The following KIF18B variants were observed in gnomAD, a reference collection of about 807,000 sequenced individuals.
KIF18B encodes the protein kinesin family member 18B, also known as kinesin-like protein KIF18B.
A neutral mutation model predicts 80.9 loss-of-function variants in KIF18B; 49 were observed. The ratio of observed to expected loss-of-function variants is 0.61; its 90% CI spans 0.48 to 0.77. The LOEUF (loss-of-function observed/expected upper bound fraction) is 0.77. Among genes scored for constraint, KIF18B ranks in the 30% least tolerant of loss-of-function variants. KIF18B has a pLI of 0.00. For missense variants in KIF18B, 994 were observed against 1,127.7 expected (o/e 0.88, Z 1.70); for synonymous variants, 439 against 463.9 (o/e 0.95, Z 0.69).
intron 2 of KIF18B, 92 bp from the exon 3 acceptor site, chr17:44,935,508 T>C (rs2052269506): frequency 1.3e-5 from 18 of 1,337,160 alleles, no homozygotes; most frequent in Non-Finnish European, 1.8e-5. Flanking sequence ...CTTTTCCTCC[T>C]GTGTTCCCTG....
At chr17:44,942,648 C>G (rs1162991454) in intron 1 of KIF18B, among the ~76,000 whole-genome samples, 2 of 152,218 alleles carry the variant, frequency 1.3e-5, no homozygotes, top group Non-Finnish European at 2.9e-5. Flanking sequence ...CTGACATAGT[C>G]TGTGTACCCC....
At chr17:44,946,206 C>T (rs181903937) in intron 1 of KIF18B, among the ~76,000 whole-genome samples, 1 of 152,208 alleles carries the variant, frequency 6.6e-6, no homozygotes, top group Admixed American at 6.5e-5. Flanking sequence ...AAATATGCTA[C>T]ATGGATACTT....
intron 9 of KIF18B, 42 bp from the exon 10 acceptor site, chr17:44,932,248 C>T (rs563064595): frequency 2.8e-5 from 44 of 1,545,050 alleles, no homozygotes; most frequent in East Asian, 2.5e-4. Flanking sequence ...GAAGGCTAAG[C>T]GGGAAAGGAG....
At chr17:44,929,991 G>C (rs1342136011) in intron 11 of KIF18B, among the ~76,000 whole-genome samples, 2 of 152,170 alleles carry the variant, frequency 1.3e-5, no homozygotes, top group African/African-American at 4.8e-5. Flanking sequence ...ATTATCCATG[G>C]AAAATGGTTT....
chr17:44,935,903 G>T, intron 2 of KIF18B, 129 bp downstream of exon 2: 1 of 785,934 alleles, frequency 1.3e-6, no homozygotes, highest in Non-Finnish European at 2.1e-6. Flanking sequence ...ATGGGACATT[G>T]TACAAAACTC....
chr17:44,934,097 G>A lies in KIF18B; in HGVS notation c.888C>T (p.Gly296=). The A allele has an allele frequency of 2.5e-6, 4 of 1,612,210 alleles. No homozygotes were observed. Among genetic ancestry groups the A allele is most frequent in the Non-Finnish European group, 3.4e-6 (4 of 1,179,314 alleles). ...CCCGGTAGGGCACATGGGTCTTGCG[G>A]CCCTGGGGGGCAGTAAGCAGGTGTG... ...NVLNALADAK[G]RKTHVPYRDS... The change falls in exon 7 of 16, where the codon GGC becomes GGT. Residue 296 remains glycine, a splice_region_variant and synonymous_variant. Coordinates refer to ENST00000593135, the MANE Select transcript of KIF18B (RefSeq NM_001265577.2). The surrounding 1 kb of genome is among the most constrained non-coding windows in gnomAD (Gnocchi z 5.4).
Position 44,924,847 on chromosome 17 carries a change from C to T in KIF18B, c.*1233G>A, listed in dbSNP as rs1439994597. 1 of 134,188 alleles carries T rather than the reference C, an allele frequency of 7.5e-6. No homozygotes were observed. The highest frequency in any genetic ancestry group is 1.7e-5 in the Non-Finnish European group (1 of 60,284). The allele number at this position is 134,188 out of a possible 1,614,324, so 8.3% of individuals were successfully genotyped here. ...CTAGGTGCAGCATTAAGCCTGAATTCCCCTTTACACTTTATTTTACACTGA... is the reference window on the plus strand; with the variant it reads ...CTAGGTGCAGCATTAAGCCTGAATTTCCCTTTACACTTTATTTTACACTGA... On this transcript the variant is annotated 3_prime_UTR_variant, in exon 16 of 16. Coordinates refer to ENST00000593135, the MANE Select transcript of KIF18B (RefSeq NM_001265577.2).
chr17:44,926,884 G>T, intron 14 of KIF18B, 105 bp downstream of exon 14: 4 of 959,254 alleles, frequency 4.2e-6, no homozygotes, highest in South Asian at 2.8e-5. Flanking sequence ...TTGCTCCGGG[G>T]GTGTAGAGAC....
chr17:44,928,896 T>C lies in KIF18B; in HGVS notation c.1646A>G (p.Glu549Gly), dbSNP rs781373475. 1.2e-6 allele frequency: 2 copies of C among 1,613,904 alleles called. No individual in the cohort carries two copies. The highest frequency in any genetic ancestry group is 8.5e-7 in the Non-Finnish European group (1 of 1,179,834). The change falls in exon 12 of 16, where the codon GAG (glutamate) becomes GGG (glycine). Residue 549 changes from glutamate to glycine, a missense_variant. Glu to Gly is a moderately conservative substitution (Grantham distance 98, BLOSUM62 -2). Transcript: ENST00000593135. ...LQQLVQEEKI[E>G]PGAEALRTSG... ...AGTCCTCAAGGCCTCTGCCCCAGGC[T>C]CAATTTTTTCCTCTTGCACCAGCTG... is the stretch of plus-strand genomic sequence containing the variant.
intron 1 of KIF18B, among the ~76,000 whole-genome samples, chr17:44,936,863 C>T (rs1443528802): frequency 1.3e-5 from 2 of 150,646 alleles, no homozygotes; most frequent in East Asian, 1.9e-4. Flanking sequence ...AGGCTGGTCT[C>T]GAACTCCTGA....
At chr17:44,932,391 A>C (rs1040584670) in intron 9 of KIF18B, 185 bp from the exon 10 acceptor site, 6 of 648,820 alleles carry the variant, frequency 9.2e-6, no homozygotes, top group Non-Finnish European at 1.5e-5. Context: ...GGGTAGGAGG[A>C]GTCAGGGATT....
At position 44,931,702 on chromosome 17, in the gene KIF18B, G is replaced by A. The variant is rs1305688846; in HGVS notation, c.1417C>T (p.Pro473Ser). 3 of 1,613,886 alleles carry A rather than the reference G, an allele frequency of 1.9e-6. No homozygotes were observed. Among genetic ancestry groups the A allele is most frequent in the Non-Finnish European group, 2.5e-6 (3 of 1,179,896 alleles). The change falls in exon 11 of 16, where the codon CCC becomes TCC. Residue 473 changes from proline (P) to serine (S), a missense_variant. By Grantham distance (74) the Pro-to-Ser change is moderately conservative. Coordinates refer to ENST00000593135, the MANE Select transcript of KIF18B (RefSeq NM_001265577.2). ...EVPTQMPEQN[P>S]THALPESPRL... ...GGGGACTCTGGCAGTGCATGTGTGG[G>A]GTTCTGCTCTGGCATCTGGGTTGGA...
intron 1 of KIF18B, among the ~76,000 whole-genome samples, chr17:44,941,858 G>A (rs1445864865): frequency 6.6e-6 from 1 of 152,218 alleles, no homozygotes; most frequent in Admixed American, 6.5e-5. Context: ...GCAAAGGAGT[G>A]CTCATAACCT....
At chr17:44,939,002 C>T (rs1443568156) in intron 1 of KIF18B, among the ~76,000 whole-genome samples, 1 of 151,348 alleles carries the variant, frequency 6.6e-6, no homozygotes, top group Non-Finnish European at 1.5e-5. Context: ...TGAGATCGTA[C>T]CACTGCACTC....
At chr17:44,926,927 G>A in intron 14 of KIF18B, 62 bp downstream of exon 14, 2 of 1,425,648 alleles carry the variant, frequency 1.4e-6, no homozygotes, top group Non-Finnish European at 1.9e-6. Flanking sequence ...CGGCCCAGGT[G>A]TCTACTGCCC....
At position 44,924,902 on chromosome 17, in the gene KIF18B, C is replaced by T. The variant is rs576993701; in HGVS notation, c.*1178G>A. ...GTATCCTATGTACAATAGAGTTAAG[C>T]AATAAAGCTGTCTTCATTTGGAAAT... is the stretch of plus-strand genomic sequence containing the variant. On this transcript the variant is annotated 3_prime_UTR_variant, in exon 16 of 16. Transcript: ENST00000593135. The T allele has an allele frequency of 6.6e-6, 1 of 152,074 alleles. No homozygotes were observed. Among genetic ancestry groups the T allele is most frequent in the Non-Finnish European group, 1.5e-5 (1 of 68,026 alleles). The allele number at this position is 152,074 out of a possible 1,614,324, so 9.4% of individuals were successfully genotyped here. A position where few individuals can be genotyped will look rare whatever the true frequency, so the allele number is the denominator to read the frequency against.
intron 12 of KIF18B, 58 bp downstream of exon 12, chr17:44,928,761 G>A: frequency 6.5e-7 from 1 of 1,547,630 alleles, no homozygotes; most frequent in Non-Finnish European, 8.8e-7. Flanking sequence ...CTTGGCCCCA[G>A]TGGGGCCTTG....
chr17:44,934,414 T>A lies in KIF18B; in HGVS notation c.704A>T (p.Gln235Leu), dbSNP rs770706033. 147 of 1,606,370 alleles carry A rather than the reference T, an allele frequency of 9.2e-5. No individual in the cohort carries two copies. The highest frequency in any genetic ancestry group is 1.2e-4 in the Non-Finnish European group (144 of 1,176,212). ...HAIFQIFVKQ[Q>L]DRVPGLTQAV... is the part of the protein sequence containing the mutation. ...CTGGGTCAGTCCTGGAACCCGGTCC[T>A]GCTGCTTCACAAAGATCTGAAGGCA... Residue 235 changes from glutamine (Q) to leucine (L), a missense_variant, in exon 6 of 16, where the codon CAG (glutamine) becomes CTG (leucine). Transcript: ENST00000593135. This position sits in a 1 kb window ranked among gnomAD's most constrained non-coding sequence, Gnocchi z 5.4.
chr17:44,932,309 A>T, intron 9 of KIF18B, 103 bp from the exon 10 acceptor site: 1 of 1,345,294 alleles, frequency 7.4e-7, no homozygotes, highest in Non-Finnish European at 1.0e-6. Context: ...AGCGGGTGGG[A>T]TCTCTGTGGC....
Sources: gnomAD v4.1 joint callset for allele counts (sites outside exome capture counted in the v4.1 genomes callset) on GRCh38, gnomAD v4.1.1 for gene constraint, Gnocchi (gnomAD v3.1) non-coding constraint, MANE v1.5 for transcripts, NCBI Gene and HGNC (gene_info 2026-07-23, HGNC 2026-07-21) for gene names.